Variants in ANKRD6 observed in about 807,000 individuals in gnomAD.
ANKRD6 encodes ankyrin repeat domain 6.
In ANKRD6, 56 loss-of-function variants were observed where a neutral mutation model predicts 82.3. The ratio of observed to expected loss-of-function variants is 0.68; its 90% confidence interval spans 0.55 to 0.85. ANKRD6 has a LOEUF of 0.85. ANKRD6 is among the 40% of genes least tolerant of loss of function. The probability of loss-of-function intolerance (pLI) is 0.00; values close to 1 mark genes in which losing one functional copy is unlikely to be tolerated. For synonymous variants in ANKRD6, 347 were observed against 352.1 expected (o/e 0.99, Z 0.16); for missense variants, 852 against 907.6 (o/e 0.94, Z 0.79).
intron 1 of ANKRD6, among the ~76,000 whole-genome samples, chr6:89,488,920 A>G (rs191668110): frequency 6.7e-6 from 1 of 150,020 alleles, no homozygotes; most frequent in Non-Finnish European, 1.5e-5. Context: ...ATTCTATTCT[A>G]TTCTAGTTCA....
At chr6:89,546,941 T>C (rs898886252) in intron 1 of ANKRD6, among the ~76,000 whole-genome samples, 6 of 152,046 alleles carry the variant, frequency 3.9e-5, no homozygotes, top group Non-Finnish European at 7.4e-5. Context: ...CTGTGAAATA[T>C]CACTTTTAAG....
intron 1 of ANKRD6, among the ~76,000 whole-genome samples, chr6:89,495,194 C>T (rs1778456264): frequency 6.6e-6 from 1 of 152,220 alleles, no homozygotes; most frequent in East Asian, 1.9e-4. Context: ...GATTGTGCCA[C>T]TGCACGCCAG....
At chr6:89,477,837 A>T (rs1449745652) in intron 1 of ANKRD6, among the ~76,000 whole-genome samples, 1 of 152,066 alleles carries the variant, frequency 6.6e-6, no homozygotes, top group African/African-American at 2.4e-5. Context: ...TTTTTAATTA[A>T]AAAAAAGAAA....
intron 2 of ANKRD6, among the ~76,000 whole-genome samples, chr6:89,594,468 A>C (rs1378984792): frequency 6.8e-6 from 1 of 147,082 alleles, no homozygotes; most frequent in African/African-American, 2.5e-5. Flanking sequence ...AAAAAAAAAA[A>C]CAAAGGTTTG....
intron 1 of ANKRD6, among the ~76,000 whole-genome samples, chr6:89,474,930 G>A (rs1198971755): frequency 6.6e-6 from 1 of 152,180 alleles, no homozygotes; most frequent in Non-Finnish European, 1.5e-5. Flanking sequence ...GTTCTAGACA[G>A]TGCGAAATCT....
chr6:89,511,987 C>T (rs765840177), intron 1 of ANKRD6, among the ~76,000 whole-genome samples: 3 of 151,974 alleles, frequency 2.0e-5, no homozygotes, highest in Non-Finnish European at 2.9e-5. Flanking sequence ...CTCTGTTGCC[C>T]AGGCTGGTCT....
chr6:89,599,779 G>A (rs922327802), intron 3 of ANKRD6, among the ~76,000 whole-genome samples: 2 of 152,152 alleles, frequency 1.3e-5, no homozygotes, highest in African/African-American at 4.8e-5. Context: ...GAGAAGGGTG[G>A]GTTTTTCAAA....
At chr6:89,625,936 C>T (rs924516268) in intron 13 of ANKRD6, among the ~76,000 whole-genome samples, 3 of 151,912 alleles carry the variant, frequency 2.0e-5, no homozygotes, top group Non-Finnish European at 4.4e-5. Context: ...GGTTTCACCA[C>T]GTTGGCTAGG....
chr6:89,587,283 G>A (rs1034847384), intron 2 of ANKRD6, among the ~76,000 whole-genome samples: 1 of 151,320 alleles, frequency 6.6e-6, no homozygotes, highest in African/African-American at 2.4e-5. Context: ...GAGGTCAAGA[G>A]ATCAAGACCC....
intron 13 of ANKRD6, among the ~76,000 whole-genome samples, chr6:89,626,801 A>T (rs1209493190): frequency 6.6e-6 from 1 of 152,250 alleles, no homozygotes; most frequent in African/African-American, 2.4e-5. Context: ...AGGGCATGTG[A>T]TTAAAAAGTG....
intron 1 of ANKRD6, among the ~76,000 whole-genome samples, chr6:89,495,459 G>C (rs904508198): frequency 6.6e-6 from 1 of 152,170 alleles, no homozygotes; most frequent in Non-Finnish European, 1.5e-5. Context: ...GCCCAGTACA[G>C]CTCTTTTGAT....
chr6:89,490,497 G>A (rs1270182133), intron 1 of ANKRD6, among the ~76,000 whole-genome samples: 2 of 152,252 alleles, frequency 1.3e-5, no homozygotes, highest in African/African-American at 4.8e-5. Context: ...CTGTGGTGAG[G>A]TGTGGGGGAT....
intron 1 of ANKRD6, among the ~76,000 whole-genome samples, chr6:89,440,622 A>G (rs1187433852): frequency 3.3e-5 from 5 of 152,154 alleles, no homozygotes; most frequent in Admixed American, 6.5e-5. Context: ...GATACTTTTC[A>G]TTGGAATTAA....
chr6:89,510,426 T>A (rs893229794), intron 1 of ANKRD6, among the ~76,000 whole-genome samples: 1 of 152,140 alleles, frequency 6.6e-6, no homozygotes, highest in Admixed American at 6.5e-5. Context: ...CATGTTATTC[T>A]TTATATACAG....
chr6:89,494,925 G>A (rs1318514850), intron 1 of ANKRD6, among the ~76,000 whole-genome samples: 1 of 152,198 alleles, frequency 6.6e-6, no homozygotes, highest in Non-Finnish European at 1.5e-5. Flanking sequence ...CCTGGTCTTG[G>A]AACCTTTGGT....
At chr6:89,629,446 C>T in intron 15 of ANKRD6, 1 of 662,000 alleles carries the variant, frequency 1.5e-6, no homozygotes, top group South Asian at 1.6e-5. Flanking sequence ...TGTGCTCAAA[C>T]TTATTTGAAT....
At chr6:89,496,227 A>G (rs1313291989) in intron 1 of ANKRD6, among the ~76,000 whole-genome samples, 1 of 149,548 alleles carries the variant, frequency 6.7e-6, no homozygotes, top group African/African-American at 2.5e-5. Flanking sequence ...TTGGGAAGAC[A>G]ATGTTTGAAT....
intron 8 of ANKRD6, among the ~76,000 whole-genome samples, chr6:89,617,681 T>G (rs901793218): frequency 6.6e-6 from 1 of 152,238 alleles, no homozygotes; most frequent in Non-Finnish European, 1.5e-5. Flanking sequence ...GGCCTTGGCC[T>G]CCTAAAGCAC....
intron 1 of ANKRD6, among the ~76,000 whole-genome samples, chr6:89,564,055 T>C (rs1200269523): frequency 6.6e-6 from 1 of 152,194 alleles, no homozygotes; most frequent in African/African-American, 2.4e-5. Flanking sequence ...CTGGAGATCC[T>C]AGTAAGGAGG....
Sources: gnomAD v4.1 joint callset for allele counts (sites outside exome capture counted in the v4.1 genomes callset) on GRCh38, gnomAD v4.1.1 for gene constraint, MANE v1.5 for transcripts, NCBI Gene and HGNC (gene_info 2026-07-23, HGNC 2026-07-21) for gene names.